Variants in PI4KB observed in about 807,000 individuals in gnomAD.
PI4KB encodes the protein PtdIns 4-kinase beta.
In PI4KB, 23 loss-of-function variants were observed where a neutral mutation model predicts 81.4. That is an observed-to-expected ratio of 0.28 (90% confidence interval 0.20 to 0.40). The LOEUF (loss-of-function observed/expected upper bound fraction) is 0.40. Among genes scored for constraint, PI4KB ranks in the 10% least tolerant of loss-of-function variants. The pLI, the probability that PI4KB is intolerant of heterozygous loss-of-function variation, is 1.00. For synonymous variants in PI4KB, 381 were observed against 406.8 expected (o/e 0.94, Z 0.76); for missense variants, 651 against 1,036.6 (o/e 0.63, Z 5.11).
chr1:151,304,955 G>A (rs587706748), intron 5 of PI4KB, among the ~76,000 whole-genome samples: 70 of 151,874 alleles, frequency 4.6e-4, no homozygotes, highest in Non-Finnish European at 8.1e-4. Context: ...TCAGCCTCCC[G>A]ATTAGCTGGG....
chr1:151,304,829 CT>C lies in PI4KB; in HGVS notation c.1411-1180del, dbSNP rs768438395. Among the ~76,000 whole-genome samples the C allele has an allele frequency of 8.9e-3, 1,227 of 138,346 alleles. 4 individuals are homozygous for C. The highest frequency in any genetic ancestry group is 0.011 in the Middle Eastern group (3 of 274). The allele number at this position is 138,346 out of a possible 152,430, so 90.8% of individuals were successfully genotyped here. ...TACAGGCATGTTCCACCACACCTGG[CT>C]TTTTTTTTTTTTTCTTTTGAGACGG... On this transcript the variant is annotated intron_variant, in intron 5 of 11. Transcript: ENST00000368873.
chr1:151,315,528 C>T (rs746570631), intron 2 of PI4KB, 45 bp downstream of exon 2: 1 of 1,347,092 alleles, frequency 7.4e-7, no homozygotes, highest in South Asian at 1.2e-5. Context: ...TGTCTCCATG[C>T]AGCCCTCTAC....
At chr1:151,325,569 T>C (rs1571236668) in intron 1 of PI4KB, among the ~76,000 whole-genome samples, 1 of 152,182 alleles carries the variant, frequency 6.6e-6, no homozygotes, top group Admixed American at 6.5e-5. Flanking sequence ...TCTGGAGTTA[T>C]GGATCAAGTA....
In PI4KB at chr1:151,294,121, A is replaced by AT; in HGVS notation, c.2165dup (p.Asp722GlufsTer9). 6.2e-7 allele frequency: 1 copy of AT among 1,613,716 alleles called. No homozygotes were observed. The highest frequency in any genetic ancestry group is 8.5e-7 in the Non-Finnish European group (1 of 1,179,756). Reference sequence around the variant, plus strand: ...TCTTATAGTAGTTGAACATGTCGCCATCCAGGCCGCCCATCACCTGGAAAG... The same window carrying AT: ...TCTTATAGTAGTTGAACATGTCGCCATTCCAGGCCGCCCATCACCTGGAAAG... On this transcript the variant is annotated frameshift_variant, in exon 11 of 12. Transcript: ENST00000368873. LOFTEE classifies it high-confidence loss of function.
intron 1 of PI4KB, among the ~76,000 whole-genome samples, chr1:151,321,534 G>A (rs1414247189): frequency 6.6e-6 from 1 of 150,578 alleles, no homozygotes; most frequent in Non-Finnish European, 1.5e-5. Flanking sequence ...ACAGACACCC[G>A]CCACCATGCC....
chr1:151,309,046 A>G (rs1232172828), intron 3 of PI4KB, among the ~76,000 whole-genome samples: 2 of 152,214 alleles, frequency 1.3e-5, no homozygotes, highest in East Asian at 3.8e-4. Context: ...AGGGACTGAA[A>G]GAGGGTGTCT....
chr1:151,314,176 AAAG>A (rs1174397243), intron 2 of PI4KB, among the ~76,000 whole-genome samples: 1 of 152,212 alleles, frequency 6.6e-6, no homozygotes, highest in African/African-American at 2.4e-5. Flanking sequence ...CCTCTATTTG[AAAG>A]AAGTCCCATT....
Position 151,316,118 on chromosome 1 carries a change from T to C in PI4KB, c.364A>G (p.Asn122Asp). 6.2e-7 allele frequency: 1 copy of C among 1,614,068 alleles called. No individual in the cohort carries two copies. The highest frequency in any genetic ancestry group is 8.5e-7 in the Non-Finnish European group (1 of 1,180,020). The change falls in exon 2 of 12, where the codon AAC (asparagine) becomes GAC (aspartate). Residue 122 changes from asparagine (N) to aspartate (D), a missense_variant. Coordinates refer to ENST00000368873, the MANE Select transcript of PI4KB (RefSeq NM_001369623.2). ...AGCCAAGACTGTTTAGCTGAGTTGT[T>C]CTGCCGCCGTCTTCTTGCTCCTTTG... is the stretch of plus-strand genomic sequence containing the variant. The part of the protein sequence containing the change: ...TAKGARRRRQ[N>D]NSAKQSWLLR...
At chr1:151,302,124 G>T in intron 7 of PI4KB, 70 bp downstream of exon 7, 2 of 1,528,564 alleles carry the variant, frequency 1.3e-6, no homozygotes, top group Non-Finnish European at 1.8e-6. Flanking sequence ...GGACAATAAA[G>T]TTGGTGCAGT....
intron 8 of PI4KB, among the ~76,000 whole-genome samples, 188 bp from the exon 9 acceptor site, chr1:151,299,261 C>T (rs1436440918): frequency 6.6e-6 from 1 of 151,742 alleles, no homozygotes; most frequent in Non-Finnish European, 1.5e-5. Context: ...CTGACAAAGT[C>T]AGAAACTACA....
At chr1:151,295,332 T>C (rs1005897739) in intron 9 of PI4KB, among the ~76,000 whole-genome samples, 3 of 152,190 alleles carry the variant, frequency 2.0e-5, no homozygotes, top group African/African-American at 7.2e-5. Context: ...TGGGGTTGGT[T>C]TGGCCAAAAG....
In PI4KB at chr1:151,299,048, G is replaced by A; in HGVS notation, c.1775C>T (p.Pro592Leu). 6.2e-7 allele frequency: 1 copy of A among 1,614,046 alleles called. No homozygotes were observed. The highest frequency in any genetic ancestry group is 1.1e-5 in the South Asian group (1 of 91,070). ...LQSIWEQERV[P>L]LWIKPYKILV... ...AATCTTGTATGGCTTGATCCAAAGG[G>A]GCACTCGCTCCTGTTCCCAAATGGA... The change falls in exon 9 of 12, where the codon CCC becomes CTC. Residue 592 changes from proline (P) to leucine (L), a missense_variant. Coordinates refer to ENST00000368873, the MANE Select transcript of PI4KB (RefSeq NM_001369623.2).
intron 5 of PI4KB, 123 bp from the exon 6 acceptor site, chr1:151,303,773 T>G (rs1695502831): frequency 2.8e-6 from 2 of 702,028 alleles, no homozygotes; most frequent in Non-Finnish European, 5.2e-6. Flanking sequence ...TTACACACCA[T>G]GTTGGTTACT....
Position 151,307,632 on chromosome 1 carries a change from T to C in PI4KB, c.1124A>G (p.Asp375Gly), listed in dbSNP as rs1695889720. The C allele has an allele frequency of 1.8e-5, 29 of 1,613,958 alleles. No homozygotes were observed. Among genetic ancestry groups the C allele is most frequent in the Non-Finnish European group, 2.4e-5 (28 of 1,179,998 alleles). ...GTGGGGTACACGGACCACGTGGTGG[T>C]CAAAGCCAGCAGTGGGCAGCCAGAC... ...ARVWLPTAGF[D>G]HHVVRVPHTQ... is the part of the protein sequence containing the mutation. The change falls in exon 4 of 12, where the codon GAC becomes GGC. Residue 375 changes from aspartate (D) to glycine (G), a missense_variant. Around this residue, in one of 5 missense-constraint regions of PI4KB, gnomAD observed 246 missense variants for 430.1 expected, o/e 0.57. Coordinates refer to ENST00000368873, the MANE Select transcript of PI4KB (RefSeq NM_001369623.2).
At chr1:151,324,621 T>C in intron 1 of PI4KB, 2 of 262,036 alleles carry the variant, frequency 7.6e-6, no homozygotes, top group Non-Finnish European at 1.2e-5. Flanking sequence ...TCAATATTGA[T>C]TCAGGCTGAG....
intron 4 of PI4KB, among the ~76,000 whole-genome samples, chr1:151,306,653 T>C (rs1695783389): frequency 6.6e-6 from 1 of 152,174 alleles, no homozygotes; most frequent in African/African-American, 2.4e-5. Flanking sequence ...TTACAGGCTG[T>C]AAGGGAGGCC....
intron 1 of PI4KB, among the ~76,000 whole-genome samples, chr1:151,323,720 T>C (rs982843563): frequency 6.6e-6 from 1 of 151,848 alleles, no homozygotes; most frequent in African/African-American, 2.4e-5. Context: ...CGAGACTCCA[T>C]CTCAAACAAA....
intron 3 of PI4KB, among the ~76,000 whole-genome samples, chr1:151,309,286 A>T (rs1696020093): frequency 6.6e-6 from 1 of 152,196 alleles, no homozygotes; most frequent in African/African-American, 2.4e-5. Context: ...ATCTCAGATT[A>T]GAAAAGGCAG....
intron 11 of PI4KB, 110 bp downstream of exon 11, chr1:151,293,908 A>G: frequency 8.2e-7 from 1 of 1,215,084 alleles, no homozygotes; most frequent in Non-Finnish European, 1.2e-6. Flanking sequence ...CTCTCTGGGA[A>G]CCCCCCTCCC....
Sources: gnomAD v4.1 joint callset for allele counts (sites outside exome capture counted in the v4.1 genomes callset) on GRCh38, gnomAD v4.1.1 for gene constraint, gnomAD v4.1.1 regional missense constraint, MANE v1.5 for transcripts, NCBI Gene and HGNC (gene_info 2026-07-23, HGNC 2026-07-21) for gene names.